The following CSMD1 variants were observed in gnomAD, a reference collection of about 807,000 sequenced individuals.
The protein encoded by CSMD1 is CUB and sushi domain-containing protein 1.
Under a neutral mutation model 417.5 loss-of-function variants are expected in CSMD1, and 213 were observed. The ratio of observed to expected loss-of-function variants is 0.51; its 90% CI spans 0.46 to 0.57. CSMD1 has a LOEUF of 0.57. CSMD1 is among the 20% of genes least tolerant of loss of function. CSMD1 has a pLI of 0.00. For synonymous variants in CSMD1, 2,862 were observed against 1,736.8 expected, an observed-to-expected ratio of 1.65 and a Z score of -16.11; for missense variants, 6,923 against 4,529.7, an observed-to-expected ratio of 1.53 and a Z score of -15.17.
chr8:4,319,955 T>C (rs1203585515), intron 3 of CSMD1, among the ~76,000 whole-genome samples: 4 of 152,140 alleles, frequency 2.6e-5, no homozygotes, highest in African/African-American at 9.7e-5. Flanking sequence ...GGCCAATGTT[T>C]GGATTTTTAC....
At chr8:4,205,145 G>T (rs992506266) in intron 3 of CSMD1, among the ~76,000 whole-genome samples, 1 of 152,208 alleles carries the variant, frequency 6.6e-6, no homozygotes, top group South Asian at 2.1e-4. Flanking sequence ...TCTGTTGAAT[G>T]AAATTGTTCT....
intron 7 of CSMD1, among the ~76,000 whole-genome samples, chr8:3,633,445 A>G (rs1796880173): frequency 6.6e-6 from 1 of 152,218 alleles, no homozygotes; most frequent in African/African-American, 2.4e-5. Context: ...GGATAATGCA[A>G]ATAATATCTA....
chr8:4,207,354 T>A (rs568862123), intron 3 of CSMD1, among the ~76,000 whole-genome samples: 1 of 152,272 alleles, frequency 6.6e-6, no homozygotes, highest in South Asian at 2.1e-4. Flanking sequence ...AGCAACAAAT[T>A]AGCTTAATAG....
chr8:3,168,161 A>G (rs1820350516), intron 37 of CSMD1, among the ~76,000 whole-genome samples: 1 of 152,302 alleles, frequency 6.6e-6, no homozygotes, highest in South Asian at 2.1e-4. Flanking sequence ...GAGGAGTAGC[A>G]TGAAACAGGG....
At chr8:4,127,649 C>A (rs1276382361) in intron 3 of CSMD1, among the ~76,000 whole-genome samples, 1 of 151,970 alleles carries the variant, frequency 6.6e-6, no homozygotes, top group Non-Finnish European at 1.5e-5. Context: ...AACCACTCAC[C>A]CCCTTTACTT....
chr8:2,944,663 C>T (rs992446243), intron 68 of CSMD1, among the ~76,000 whole-genome samples: 1 of 152,040 alleles, frequency 6.6e-6, no homozygotes, highest in African/African-American at 2.4e-5. Flanking sequence ...ACCTAGAACA[C>T]AGTATGTGCT....
At chr8:4,331,454 G>C (rs563865861) in intron 3 of CSMD1, among the ~76,000 whole-genome samples, 1 of 152,146 alleles carries the variant, frequency 6.6e-6, no homozygotes, top group Non-Finnish European at 1.5e-5. Context: ...CTGGTAACGA[G>C]AGCCTTGCCA....
chr8:4,801,399 C>T (rs1798275078), intron 1 of CSMD1, among the ~76,000 whole-genome samples: 2 of 152,042 alleles, frequency 1.3e-5, no homozygotes, highest in Non-Finnish European at 2.9e-5. Context: ...GAGACACCCT[C>T]TCCCCGTGGG....
chr8:4,252,785 A>T (rs1256737693), intron 3 of CSMD1, among the ~76,000 whole-genome samples: 3 of 152,230 alleles, frequency 2.0e-5, no homozygotes, highest in Non-Finnish European at 4.4e-5. Flanking sequence ...ACTGACATTT[A>T]TGCCTCTTCT....
chr8:4,916,269 C>T (rs762991450), intron 1 of CSMD1, among the ~76,000 whole-genome samples: 3 of 149,084 alleles, frequency 2.0e-5, no homozygotes, highest in Non-Finnish European at 2.9e-5. Context: ...GACAAGAACA[C>T]GGGGTAATAT....
At chr8:3,780,896 G>A (rs1490947217) in intron 5 of CSMD1, among the ~76,000 whole-genome samples, 2 of 152,180 alleles carry the variant, frequency 1.3e-5, no homozygotes, top group African/African-American at 4.8e-5. Flanking sequence ...AGGGGTTTAG[G>A]TAACACTGGA....
chr8:4,074,742 GAAAC>G (rs1317417362), intron 3 of CSMD1, among the ~76,000 whole-genome samples: 6 of 151,092 alleles, frequency 4.0e-5, no homozygotes, highest in South Asian at 2.1e-4. Flanking sequence ...TTAGGAAAAA[GAAAC>G]AAACAAAAAA....
At chr8:4,357,828 T>C (rs1801515820) in intron 3 of CSMD1, among the ~76,000 whole-genome samples, 1 of 152,104 alleles carries the variant, frequency 6.6e-6, no homozygotes, top group Non-Finnish European at 1.5e-5. Context: ...TATTACAAAA[T>C]TTAAAAGTGT....
intron 1 of CSMD1, among the ~76,000 whole-genome samples, chr8:4,724,599 G>T (rs773763940): frequency 4.0e-5 from 6 of 150,904 alleles, no homozygotes; most frequent in Non-Finnish European, 5.9e-5. Flanking sequence ...AAGAAGAATT[G>T]ACATAATATA....
At chr8:4,850,089 G>A (rs1379409081) in intron 1 of CSMD1, among the ~76,000 whole-genome samples, 3 of 152,066 alleles carry the variant, frequency 2.0e-5, no homozygotes, top group Non-Finnish European at 4.4e-5. Context: ...TGTGAAGTAG[G>A]ATCTCATGGT....
intron 5 of CSMD1, among the ~76,000 whole-genome samples, chr8:3,973,263 G>T (rs1238211953): frequency 2.6e-5 from 4 of 152,146 alleles, no homozygotes; most frequent in Admixed American, 2.0e-4. Context: ...GCTATGGCTT[G>T]GTCATGAGCC....
At chr8:3,296,484 A>G (rs183920067) in intron 25 of CSMD1, among the ~76,000 whole-genome samples, 5 of 152,162 alleles carry the variant, frequency 3.3e-5, no homozygotes, top group Admixed American at 2.6e-4. Flanking sequence ...CCGATGCGGG[A>G]TTTTAAGGAT....
intron 3 of CSMD1, among the ~76,000 whole-genome samples, chr8:4,148,888 C>G (rs1334981054): frequency 1.3e-5 from 2 of 152,170 alleles, no homozygotes; most frequent in African/African-American, 4.8e-5. Context: ...AGCCTGCATT[C>G]CATTCCCAAC....
intron 49 of CSMD1, among the ~76,000 whole-genome samples, chr8:3,063,804 G>A (rs981942472): frequency 6.6e-6 from 1 of 152,126 alleles, no homozygotes; most frequent in African/African-American, 2.4e-5. Flanking sequence ...GTAAAATGAT[G>A]GCTTGTAGGG....
Sources: allele counts gnomAD v4.1 joint callset (sites outside exome capture counted in the v4.1 genomes callset), GRCh38; gene constraint gnomAD v4.1.1; transcripts MANE v1.5; gene names NCBI Gene and HGNC (gene_info 2026-07-23, HGNC 2026-07-21).